CSGALNACT1: variants seen among roughly 807,000 people sequenced by gnomAD.
The protein encoded by CSGALNACT1 is chondroitin sulfate N-acetylgalactosaminyltransferase 1, also known as beta4GalNAcT-1.
CSGALNACT1 carries 52 observed loss-of-function variants against 51.0 expected under a neutral mutation model. The observed-to-expected ratio is 1.02, with a 90% CI of 0.82 to 1.29. The LOEUF (loss-of-function observed/expected upper bound fraction) is 1.29. Among genes scored for constraint, CSGALNACT1 ranks in the 50% most tolerant of loss-of-function variants. The pLI, the probability that CSGALNACT1 is intolerant of heterozygous loss-of-function variation, is 0.00. For synonymous variants in CSGALNACT1, 341 were observed against 254.4 expected (o/e 1.34, Z -3.24); for missense variants, 935 against 679.2 (o/e 1.38, Z -4.19).
chr8:19,563,204 AC>A (rs2041163735), intron 3 of CSGALNACT1, among the ~76,000 whole-genome samples: 1 of 152,144 alleles, frequency 6.6e-6, no homozygotes, highest in Non-Finnish European at 1.5e-5. Context: ...GCATATTCTC[AC>A]TACTAAGTGG....
chr8:19,565,571 C>T (rs6995282), intron 3 of CSGALNACT1, among the ~76,000 whole-genome samples: 21,941 of 152,130 alleles, frequency 0.14, 2,256 homozygotes, highest in African/African-American at 0.3. Context: ...GCCAAGTATT[C>T]TCTCCAGCTT....
upstream of CSGALNACT1, among the ~76,000 whole-genome samples, chr8:19,603,408 G>C (rs1468364510): frequency 6.6e-6 from 1 of 152,212 alleles, no homozygotes; most frequent in Non-Finnish European, 1.5e-5. Flanking sequence ...CCTAGGGCCA[G>C]CTCTTGGCCC....
chr8:19,605,840 A>G (rs1190065463), upstream of CSGALNACT1, among the ~76,000 whole-genome samples: 4 of 152,240 alleles, frequency 2.6e-5, no homozygotes, highest in African/African-American at 4.8e-5. Flanking sequence ...TCATCTACTG[A>G]AAAGAGCAAT....
chr8:19,658,280 C>T (rs1332566036), intron 1 of CSGALNACT1, among the ~76,000 whole-genome samples: 1 of 152,082 alleles, frequency 6.6e-6, no homozygotes, highest in Non-Finnish European at 1.5e-5. Flanking sequence ...AAGCTAGCAC[C>T]TTGATCTTGG....
At chr8:19,426,358 T>A (rs1435594436) in intron 6 of CSGALNACT1, among the ~76,000 whole-genome samples, 1 of 152,130 alleles carries the variant, frequency 6.6e-6, no homozygotes, top group Non-Finnish European at 1.5e-5. Context: ...AAACCCAAGC[T>A]TTTAAGAAGA....
At chr8:19,548,897 C>T (rs1332009411) in intron 3 of CSGALNACT1, among the ~76,000 whole-genome samples, 1 of 152,190 alleles carries the variant, frequency 6.6e-6, no homozygotes, top group African/African-American at 2.4e-5. Context: ...CAGCTCACTG[C>T]AGCTCCCGCC....
intron 1 of CSGALNACT1, among the ~76,000 whole-genome samples, chr8:19,704,919 G>C (rs2062073175): frequency 6.6e-6 from 1 of 152,204 alleles, no homozygotes; most frequent in Non-Finnish European, 1.5e-5. Flanking sequence ...TAAAAGGGTA[G>C]TTACTGTGTG....
At chr8:19,541,140 C>T (rs559402010) in intron 3 of CSGALNACT1, among the ~76,000 whole-genome samples, 1 of 151,990 alleles carries the variant, frequency 6.6e-6, no homozygotes, top group African/African-American at 2.4e-5. Context: ...AATGCAGTGG[C>T]ATGATCGCAG....
At position 19,476,363 on chromosome 8, in the gene CSGALNACT1, C is replaced by G. The variant is rs1350605169; in HGVS notation, c.635-17721G>C. Among the ~76,000 whole-genome samples, 5 of 152,148 alleles carry G rather than the reference C, an allele frequency of 3.3e-5. No homozygotes were observed. In the East Asian group the frequency reaches 9.7e-4, roughly 29 times the overall value. On this transcript the variant is annotated intron_variant, in intron 4 of 9. Transcript: ENST00000454498. ...AAGCGATTCTCCTGCCTCAGCCTCC[C>G]CCAAGTAGCTGGGATTACAGGTGCC... is the stretch of plus-strand genomic sequence containing the variant.
In CSGALNACT1 at chr8:19,634,084, C is replaced by T. The variant is rs1255128723; in HGVS notation, c.-543-32219G>A. Among the ~76,000 whole-genome samples, 4 of 152,186 alleles carry T rather than the reference C, an allele frequency of 2.6e-5. No individual in the cohort carries two copies. In the East Asian group the frequency reaches 7.7e-4, roughly 29 times the overall value. On this transcript the variant is annotated intron_variant, in intron 1 of 9. Coordinates refer to the CSGALNACT1 transcript ENST00000332246. ...TTTGTTTGGTTTAATTTTTCATAAA[C>T]ACAAAATAAGCTAGTAAATTTATAA...
chr8:19,440,086 G>T (rs1366678283), intron 5 of CSGALNACT1, among the ~76,000 whole-genome samples, 155 bp from the exon 5 acceptor site: 1 of 152,144 alleles, frequency 6.6e-6, no homozygotes, highest in Non-Finnish European at 1.5e-5. Flanking sequence ...TTTCTGGTTG[G>T]CCATTCCAAC....
chr8:19,535,648 C>T (rs59703425), intron 3 of CSGALNACT1, among the ~76,000 whole-genome samples: 14,068 of 152,112 alleles, frequency 0.092, 672 homozygotes, highest in South Asian at 0.14. Flanking sequence ...AAATATGATT[C>T]TGATTGTAAG....
At chr8:19,667,692 T>C (rs2059491210) in intron 1 of CSGALNACT1, among the ~76,000 whole-genome samples, 1 of 152,132 alleles carries the variant, frequency 6.6e-6, no homozygotes, top group Non-Finnish European at 1.5e-5. Flanking sequence ...TCAGGAGAGC[T>C]TTCAAAGAGC....
rs773560853 is a variant in CSGALNACT1, at chr8:19,457,840, T to A, written c.851+586A>T. 2.2e-6 allele frequency: 3 copies of A among 1,344,158 alleles called. No homozygotes were observed. The East Asian group carries it at 1.4e-4, about 61-fold the overall frequency. 83.3% of individuals were successfully genotyped at this position (1,344,158 alleles called of 1,614,324 possible). On this transcript the variant is annotated intron_variant, in intron 5 of 9. Transcript: ENST00000454498. Reference sequence around the variant, plus strand: ...GCCTGAAAAATGAAACCCAGCTTAGTCTCATTGAGTAGCTACAAAAATGTG... The same window carrying A: ...GCCTGAAAAATGAAACCCAGCTTAGACTCATTGAGTAGCTACAAAAATGTG...
intron 1 of CSGALNACT1, among the ~76,000 whole-genome samples, chr8:19,624,756 G>C (rs1379957185): frequency 6.6e-6 from 1 of 151,518 alleles, no homozygotes; most frequent in Non-Finnish European, 1.5e-5. Flanking sequence ...TCAGCTCACT[G>C]CAACTTCCGC....
chr8:19,429,133 A>T (rs2059270078), intron 6 of CSGALNACT1, among the ~76,000 whole-genome samples: 1 of 152,076 alleles, frequency 6.6e-6, no homozygotes, highest in African/African-American at 2.4e-5. Context: ...ATGTATAAAG[A>T]ATATTTCCTA....
At chr8:19,431,610 T>G (rs2059659830) in intron 6 of CSGALNACT1, among the ~76,000 whole-genome samples, 1 of 152,132 alleles carries the variant, frequency 6.6e-6, no homozygotes, top group Non-Finnish European at 1.5e-5. Flanking sequence ...ATAGGGATAC[T>G]GATCTATAGT....
chr8:19,421,231 G>T (rs1279190540), intron 6 of CSGALNACT1, among the ~76,000 whole-genome samples: 2 of 152,114 alleles, frequency 1.3e-5, no homozygotes, highest in Non-Finnish European at 2.9e-5. Context: ...GAGATAAACA[G>T]TGCCAAGAGT....
intron 5 of CSGALNACT1, among the ~76,000 whole-genome samples, chr8:19,456,739 T>A (rs150931432): frequency 1.3e-5 from 2 of 152,318 alleles, no homozygotes; most frequent in South Asian, 2.1e-4. Context: ...AAAAGATCAA[T>A]CTATTAGCCC....
Sources: gnomAD v4.1 joint callset for allele counts (sites outside exome capture counted in the v4.1 genomes callset) on GRCh38, gnomAD v4.1.1 for gene constraint, MANE v1.5 for transcripts, NCBI Gene and HGNC (gene_info 2026-07-23, HGNC 2026-07-21) for gene names.